The following ANKS1B variants were observed in gnomAD, a reference collection of about 807,000 sequenced individuals.
ANKS1B encodes ankyrin repeat and sterile alpha motif domain-containing protein 1B.
ANKS1B carries 36 observed loss-of-function variants against 148.3 expected under a neutral mutation model. That is an observed-to-expected ratio of 0.24 (90% CI 0.19 to 0.32). The LOEUF (loss-of-function observed/expected upper bound fraction) is 0.32, where lower values mean the gene tolerates loss of function less well. Among genes scored for constraint, ANKS1B ranks in the 10% least tolerant of loss-of-function variants. The pLI is 1.00. For missense variants in ANKS1B, 1,157 were observed against 1,542.6 expected, an observed-to-expected ratio of 0.75 and a Z score of 4.19; for synonymous variants, 542 against 560.8, an observed-to-expected ratio of 0.97 and a Z score of 0.47.
At chr12:99,064,577 C>G (rs1009489367) in intron 16 of ANKS1B, among the ~76,000 whole-genome samples, 2 of 152,180 alleles carry the variant, frequency 1.3e-5, no homozygotes, top group Non-Finnish European at 2.9e-5. Flanking sequence ...AAAGGTCAAC[C>G]GCTACAGCAA....
intron 1 of ANKS1B, among the ~76,000 whole-genome samples, chr12:99,900,982 C>G (rs1356466640): frequency 6.6e-6 from 1 of 152,032 alleles, no homozygotes; most frequent in Admixed American, 6.6e-5. Context: ...GAGGCTGTCC[C>G]CTCAACAAGT....
At chr12:99,205,026 G>A (rs181744617) in intron 14 of ANKS1B, among the ~76,000 whole-genome samples, 1 of 152,182 alleles carries the variant, frequency 6.6e-6, no homozygotes, top group Admixed American at 6.5e-5. Flanking sequence ...ATGTATAGGA[G>A]GCCATTGGAT....
intron 17 of ANKS1B, among the ~76,000 whole-genome samples, chr12:98,852,679 T>A (rs1292194350): frequency 6.6e-6 from 1 of 152,190 alleles, no homozygotes; most frequent in Non-Finnish European, 1.5e-5. Context: ...GGGCTCAAGA[T>A]GACACATTAG....
chr12:99,357,532 T>C (rs2092108683), intron 12 of ANKS1B, among the ~76,000 whole-genome samples: 1 of 152,176 alleles, frequency 6.6e-6, no homozygotes, highest in South Asian at 2.1e-4. Flanking sequence ...AAGTTTAATA[T>C]ACAGAAAGCA....
intron 9 of ANKS1B, among the ~76,000 whole-genome samples, chr12:99,554,467 G>A (rs529244043): frequency 6.6e-6 from 1 of 152,160 alleles, no homozygotes; most frequent in Admixed American, 6.5e-5. Flanking sequence ...AGGTGGAAAG[G>A]AGAGTCATTA....
intron 24 of ANKS1B, 114 bp from the exon 25 acceptor site, chr12:98,773,293 C>CCTG: frequency 8.5e-7 from 1 of 1,180,120 alleles, no homozygotes. Context: ...GTGTTCTAGA[C>CCTG]TAGCAACACT....
intron 25 of ANKS1B, among the ~76,000 whole-genome samples, chr12:98,758,780 C>CTTT (rs59375322): frequency 0.036 from 4,348 of 120,592 alleles, 235 homozygotes; most frequent in African/African-American, 0.093. Context: ...CTTTTCCTTC[C>CTTT]TTTTTTTTTT....
chr12:99,887,967 G>T (rs1285094550), intron 1 of ANKS1B, among the ~76,000 whole-genome samples: 1 of 152,150 alleles, frequency 6.6e-6, no homozygotes, highest in Non-Finnish European at 1.5e-5. Context: ...CTGTAGTTTG[G>T]CATAGTCTAA....
chr12:99,485,444 G>A (rs370216346), intron 10 of ANKS1B, among the ~76,000 whole-genome samples: 2 of 152,012 alleles, frequency 1.3e-5, no homozygotes, highest in Non-Finnish European at 2.9e-5. Flanking sequence ...TTTGCTTCAT[G>A]TTTACTTTAG....
chr12:98,794,793 A>G, intron 22 of ANKS1B: 3 of 1,464,806 alleles, frequency 2.0e-6, no homozygotes, highest in Non-Finnish European at 2.8e-6. Flanking sequence ...AAACAGAAAC[A>G]CGAAGCTTAA....
At chr12:99,528,574 C>CCAAA (rs962761376) in intron 9 of ANKS1B, among the ~76,000 whole-genome samples, 9 of 151,554 alleles carry the variant, frequency 5.9e-5, no homozygotes, top group African/African-American at 2.2e-4. Flanking sequence ...AGCAAAAAAA[C>CCAAA]CAAACAACCC....
intron 17 of ANKS1B, among the ~76,000 whole-genome samples, chr12:98,998,519 T>C (rs1370545757): frequency 6.6e-6 from 1 of 152,198 alleles, no homozygotes; most frequent in African/African-American, 2.4e-5. Context: ...TATTTCTTCA[T>C]TTGAAAGCTT....
At chr12:99,346,490 G>T (rs2090706455) in intron 12 of ANKS1B, among the ~76,000 whole-genome samples, 1 of 151,144 alleles carries the variant, frequency 6.6e-6, no homozygotes, top group African/African-American at 2.4e-5. Flanking sequence ...CATGTGAGAG[G>T]TCTGGAGAAG....
chr12:99,658,314 C>A (rs1037318313), intron 8 of ANKS1B, among the ~76,000 whole-genome samples: 2 of 152,092 alleles, frequency 1.3e-5, no homozygotes, highest in African/African-American at 2.4e-5. Flanking sequence ...TCTCTCAGGG[C>A]TTTTTCCTGA....
At chr12:98,985,842 G>C (rs930091174) in intron 17 of ANKS1B, among the ~76,000 whole-genome samples, 3 of 151,826 alleles carry the variant, frequency 2.0e-5, no homozygotes, top group Non-Finnish European at 2.9e-5. Context: ...TCATTTCTTT[G>C]TGTAAATCCC....
rs1473931929 is a variant in ANKS1B at position 98,744,927 on chromosome 12, C to T, written c.*812G>A. 1.0e-6 allele frequency: 1 copy of T among 985,606 alleles called. No individual in the cohort carries two copies. The highest frequency in any genetic ancestry group is 1.7e-5 in the African/African-American group (1 of 57,206). The allele number at this position is 985,606 out of a possible 1,614,324, so 61.1% of individuals were successfully genotyped here. On this transcript the variant is annotated 3_prime_UTR_variant, in exon 27 of 27. Transcript: ENST00000683438. ...TCACCAGTATTTTGCCACCACTGAG[C>T]CAGTCCTCTTGGTAGTAGCAGTAGA...
intron 12 of ANKS1B, among the ~76,000 whole-genome samples, chr12:99,257,282 A>T (rs1409650946): frequency 1.3e-5 from 2 of 152,062 alleles, no homozygotes; most frequent in Non-Finnish European, 2.9e-5. Flanking sequence ...TCTCTGATTC[A>T]AAGTTAATCT....
chr12:99,704,423 A>G (rs200851514), intron 8 of ANKS1B, among the ~76,000 whole-genome samples: 4 of 152,124 alleles, frequency 2.6e-5, no homozygotes, highest in Non-Finnish European at 5.9e-5. Flanking sequence ...AAGACACTTC[A>G]ACATTTCTAG....
At chr12:99,537,200 G>A (rs138499720) in intron 9 of ANKS1B, among the ~76,000 whole-genome samples, 71 of 152,190 alleles carry the variant, frequency 4.7e-4, no homozygotes, top group African/African-American at 1.6e-3. Flanking sequence ...CTTAGCTATT[G>A]TAAACAGTGC....
Sources: allele counts gnomAD v4.1 joint callset (sites outside exome capture counted in the v4.1 genomes callset), GRCh38; gene constraint gnomAD v4.1.1; transcripts MANE v1.5; gene names NCBI Gene and HGNC (gene_info 2026-07-23, HGNC 2026-07-21).